The following PCNX1 variants were observed in gnomAD, a reference collection of about 807,000 sequenced individuals.
The protein encoded by PCNX1 is pecanex-like protein 1.
A neutral mutation model predicts 242.2 loss-of-function variants in PCNX1; 78 were observed. That is an observed-to-expected ratio of 0.32 (90% confidence interval 0.27 to 0.39). The LOEUF is 0.39. Ranked by LOEUF, PCNX1 falls within the 10% of genes least tolerant of loss-of-function variation. PCNX1 has a pLI of 1.00. For synonymous variants in PCNX1, 1,024 were observed against 1,032.9 expected, an observed-to-expected ratio of 0.99 and a Z score of 0.17; for missense variants, 2,581 against 2,856.5, an observed-to-expected ratio of 0.90 and a Z score of 2.20.
intron 3 of PCNX1, among the ~76,000 whole-genome samples, chr14:70,964,558 G>A (rs1467007445): frequency 3.3e-5 from 5 of 152,064 alleles, no homozygotes; most frequent in South Asian, 2.1e-4. Flanking sequence ...ATTGACAGAC[G>A]TAGGTAGTAT....
chr14:71,109,090 T>C (rs374813404), intron 34 of PCNX1, 44 bp downstream of exon 34: 13 of 1,444,640 alleles, frequency 9.0e-6, no homozygotes, highest in Admixed American at 4.3e-5. Context: ...TTGTTACTTA[T>C]TTGTTTTTAT....
At chr14:70,910,806 T>C (rs975886728) in intron 1 of PCNX1, among the ~76,000 whole-genome samples, 3 of 152,220 alleles carry the variant, frequency 2.0e-5, no homozygotes, top group Non-Finnish European at 4.4e-5. Flanking sequence ...AAAGCACATG[T>C]AGTACTCCGA....
intron 1 of PCNX1, among the ~76,000 whole-genome samples, chr14:70,908,307 T>TCCCCGCCGGGGCC (rs1369080396): frequency 6.6e-6 from 1 of 151,594 alleles, no homozygotes; most frequent in African/African-American, 2.4e-5. Flanking sequence ...GGCTAGGCCG[T>TCCCCGCCGGGGCC]CCCCGCCGGG....
chr14:71,086,070 T>C (rs1206146464), intron 28 of PCNX1, among the ~76,000 whole-genome samples: 1 of 152,206 alleles, frequency 6.6e-6, no homozygotes, highest in African/African-American at 2.4e-5. Context: ...TGAGATCATT[T>C]ATCTTTTCTT....
At chr14:70,969,665 T>C (rs1191905241) in intron 5 of PCNX1, among the ~76,000 whole-genome samples, 1 of 152,106 alleles carries the variant, frequency 6.6e-6, no homozygotes, top group Non-Finnish European at 1.5e-5. Flanking sequence ...TAACCCTATA[T>C]CCCATTCCTA....
At chr14:71,009,506 T>A (rs117738638) in intron 8 of PCNX1, 128 bp from the exon 9 acceptor site, 14 of 469,100 alleles carry the variant, frequency 3.0e-5, no homozygotes, top group East Asian at 2.9e-4. Flanking sequence ...ATCATTGTTT[T>A]AAAAAAATTT....
chr14:71,098,820 A>T (rs1485392407), intron 30 of PCNX1, among the ~76,000 whole-genome samples: 1 of 151,876 alleles, frequency 6.6e-6, no homozygotes, highest in Non-Finnish European at 1.5e-5. Flanking sequence ...TGCTGTGGCT[A>T]GGATTTCTGG....
chr14:71,001,692 G>T (rs1445745469), intron 8 of PCNX1, among the ~76,000 whole-genome samples: 3 of 152,174 alleles, frequency 2.0e-5, no homozygotes, highest in African/African-American at 7.2e-5. Context: ...CTAAATTAAA[G>T]CTGGTTAGTA....
chr14:71,104,909 C>T (rs977229899), intron 32 of PCNX1, among the ~76,000 whole-genome samples: 6 of 148,624 alleles, frequency 4.0e-5, no homozygotes, highest in Non-Finnish European at 7.4e-5. Context: ...CTGGTGACAG[C>T]GAGACTCCGT....
At chr14:70,990,739 G>A (rs1255915770) in intron 7 of PCNX1, among the ~76,000 whole-genome samples, 2 of 152,112 alleles carry the variant, frequency 1.3e-5, no homozygotes, top group Non-Finnish European at 2.9e-5. Context: ...TGAGCCCTTT[G>A]TTTTTGTGAG....
At chr14:70,975,479 G>A (rs1335402788) in intron 5 of PCNX1, among the ~76,000 whole-genome samples, 1 of 152,030 alleles carries the variant, frequency 6.6e-6, no homozygotes, top group African/African-American at 2.4e-5. Context: ...TCTACATTTA[G>A]ATTTTTAAAG....
At chr14:70,996,241 A>T (rs550945652) in intron 8 of PCNX1, among the ~76,000 whole-genome samples, 68 of 151,112 alleles carry the variant, frequency 4.5e-4, no homozygotes, top group South Asian at 1.0e-3. Flanking sequence ...TGACTTTTTT[A>T]AAAAAAAAGT....
chr14:71,082,007 TTC>T (rs2061866697), intron 28 of PCNX1, among the ~76,000 whole-genome samples: 1 of 152,238 alleles, frequency 6.6e-6, no homozygotes, highest in African/African-American at 2.4e-5. Context: ...TGCTATAAAT[TTC>T]TCTCTAAACA....
chr14:71,085,792 C>T, intron 28 of PCNX1: 1 of 366,746 alleles, frequency 2.7e-6, no homozygotes, highest in Non-Finnish European at 5.5e-6. Flanking sequence ...CCAGCTTCAG[C>T]CCATCCTTAG....
chr14:71,038,868 T>C (rs1462856376), intron 19 of PCNX1, among the ~76,000 whole-genome samples: 2 of 151,334 alleles, frequency 1.3e-5, no homozygotes, highest in Non-Finnish European at 2.9e-5. Flanking sequence ...GTGGCACATA[T>C]ACACCATGGA....
chr14:71,076,163 T>A, intron 27 of PCNX1, 26 bp from the exon 28 acceptor site: 1 of 971,318 alleles, frequency 1.0e-6, no homozygotes, highest in Non-Finnish European at 1.5e-6. Context: ...ATCTGAATTC[T>A]TTTTTTTTTG....
At chr14:71,060,322 CTA>C (rs1229222792) in intron 26 of PCNX1, among the ~76,000 whole-genome samples, 1 of 151,938 alleles carries the variant, frequency 6.6e-6, no homozygotes, top group Non-Finnish European at 1.5e-5. Context: ...TAATAAACAA[CTA>C]TGTGTTTATT....
At chr14:70,935,714 GA>G (rs1334740235) in intron 1 of PCNX1, among the ~76,000 whole-genome samples, 3 of 152,210 alleles carry the variant, frequency 2.0e-5, no homozygotes, top group African/African-American at 7.2e-5. Context: ...GGACTACAGT[GA>G]ATTACAGTGG....
chr14:71,027,660 A>C (rs1362236399), intron 15 of PCNX1, among the ~76,000 whole-genome samples: 1 of 151,962 alleles, frequency 6.6e-6, no homozygotes, highest in African/African-American at 2.4e-5. Flanking sequence ...ATATGCATTG[A>C]AATCCTCTCT....
Sources: gnomAD v4.1 joint callset for allele counts (sites outside exome capture counted in the v4.1 genomes callset) on GRCh38, gnomAD v4.1.1 for gene constraint, MANE v1.5 for transcripts, NCBI Gene and HGNC (gene_info 2026-07-23, HGNC 2026-07-21) for gene names.